ANKFN1: variants seen among roughly 807,000 people sequenced by gnomAD.
ANKFN1 encodes ankyrin repeat and fibronectin type III domain containing 1.
Under a neutral mutation model 108.7 loss-of-function variants are expected in ANKFN1, and 74 were observed. The ratio of observed to expected loss-of-function variants is 0.68; its 90% CI spans 0.56 to 0.83. The LOEUF (loss-of-function observed/expected upper bound fraction) is 0.83. Among genes scored for constraint, ANKFN1 ranks in the 40% least tolerant of loss-of-function variants. The probability of loss-of-function intolerance (pLI) is 0.00; values close to 1 mark genes in which losing one functional copy is unlikely to be tolerated. For synonymous variants in ANKFN1, 547 were observed against 516.2 expected (o/e 1.06, Z -0.81); for missense variants, 1,505 against 1,382.3 (o/e 1.09, Z -1.41).
rs376959352 is a variant in ANKFN1 at position 56,230,465 on chromosome 17, A to G, written c.53+2508A>G. Among the ~76,000 whole-genome samples, 5 of 152,276 alleles carry G rather than the reference A, an allele frequency of 3.3e-5. No individual in the cohort carries two copies. In the South Asian group the frequency reaches 1.0e-3, roughly 32 times the overall value. On this transcript the variant is annotated intron_variant, in intron 3 of 20. Transcript: ENST00000682825. ...CATCTGAAAATGCTTTGTATTACCA[A>G]TAATCTTATTAAATTATTGGAGACC...
intron 10 of ANKFN1, among the ~76,000 whole-genome samples, chr17:56,444,006 G>T (rs550292563): frequency 6.6e-6 from 1 of 152,040 alleles, no homozygotes; most frequent in African/African-American, 2.4e-5. Context: ...ATAATTCTAC[G>T]TCTAGGACTC....
At chr17:56,488,072 CAAAGA>C (rs1454650368) in intron 18 of ANKFN1, among the ~76,000 whole-genome samples, 1 of 152,010 alleles carries the variant, frequency 6.6e-6, no homozygotes, top group Non-Finnish European at 1.5e-5. Context: ...CAATAGGAAG[CAAAGA>C]AAAGATTTTA....
At chr17:56,228,310 G>T in intron 3 of ANKFN1, 1 of 219,704 alleles carries the variant, frequency 4.6e-6, no homozygotes, top group African/African-American at 2.4e-5. Context: ...TTTCCCAGTT[G>T]CTCCTCACCG....
In ANKFN1 at chr17:56,084,581, G is replaced by A. The variant is rs928935945; in HGVS notation, c.288+38256G>A. Among the ~76,000 whole-genome samples the A allele has an allele frequency of 5.9e-5, 9 of 151,262 alleles. 1 individual carries two copies. Among genetic ancestry groups the A allele is most frequent in the Non-Finnish European group, 1.2e-4 (8 of 67,760 alleles). ...GCTGTGCTCCAAAAGCTTTTCCACC[G>A]GGTAAGGGCCTGGTCCTTCCTGCGT... On this transcript the variant is annotated intron_variant, in intron 4 of 12. Coordinates refer to the ANKFN1 transcript ENST00000635860.
chr17:56,188,044 A>G (rs1912417863), intron 1 of ANKFN1, among the ~76,000 whole-genome samples: 1 of 152,224 alleles, frequency 6.6e-6, no homozygotes, highest in Non-Finnish European at 1.5e-5. Flanking sequence ...ACAAACCTGC[A>G]CGTTGTGCAC....
intron 1 of ANKFN1, among the ~76,000 whole-genome samples, chr17:56,203,081 C>A (rs961380507): frequency 2.6e-5 from 4 of 152,144 alleles, no homozygotes; most frequent in South Asian, 2.1e-4. Context: ...ATACGATGAA[C>A]ATGGACTTTG....
intron 4 of ANKFN1, among the ~76,000 whole-genome samples, chr17:56,062,378 A>T (rs960420521): frequency 6.6e-6 from 1 of 152,144 alleles, no homozygotes; most frequent in African/African-American, 2.4e-5. Flanking sequence ...GTCTCTTTGT[A>T]GGTCTCTAAA....
At chr17:56,248,947 C>A (rs548237941) in intron 3 of ANKFN1, among the ~76,000 whole-genome samples, 1 of 152,070 alleles carries the variant, frequency 6.6e-6, no homozygotes, top group Non-Finnish European at 1.5e-5. Flanking sequence ...AAACTTAATC[C>A]GGCTGGAGTG....
At chr17:56,375,456 A>G (rs752676185) in intron 8 of ANKFN1, among the ~76,000 whole-genome samples, 3 of 152,208 alleles carry the variant, frequency 2.0e-5, no homozygotes, top group Non-Finnish European at 4.4e-5. Context: ...GAATGAAACT[A>G]TGATCAACAG....
chr17:56,107,047 GGCAAAGT>G (rs1905764520), intron 4 of ANKFN1, among the ~76,000 whole-genome samples: 1 of 152,114 alleles, frequency 6.6e-6, no homozygotes, highest in African/African-American at 2.4e-5. Flanking sequence ...TAATCCAGGG[GGCAAAGT>G]GCTCCATTTC....
chr17:56,097,296 TG>T (rs1905554149), intron 4 of ANKFN1, among the ~76,000 whole-genome samples: 1 of 152,184 alleles, frequency 6.6e-6, no homozygotes, highest in Non-Finnish European at 1.5e-5. Flanking sequence ...GAAGATTGTA[TG>T]GCTAAGATAA....
At chr17:56,176,926 T>A (rs960852054) in intron 1 of ANKFN1, among the ~76,000 whole-genome samples, 7 of 152,180 alleles carry the variant, frequency 4.6e-5, no homozygotes, top group Admixed American at 2.6e-4. Context: ...TTTGTCCAGA[T>A]TGAAACACTT....
chr17:56,284,839 G>C (rs753575328), intron 3 of ANKFN1, among the ~76,000 whole-genome samples: 4 of 152,166 alleles, frequency 2.6e-5, no homozygotes, highest in Admixed American at 6.6e-5. Context: ...GCCCTAAAGA[G>C]AGGCTTCATT....
intron 3 of ANKFN1, among the ~76,000 whole-genome samples, chr17:56,280,822 A>G (rs1486221503): frequency 3.3e-5 from 5 of 152,196 alleles, no homozygotes; most frequent in Admixed American, 6.5e-5. Flanking sequence ...TGGTTTGGCT[A>G]TGTCCCCACC....
intron 4 of ANKFN1, among the ~76,000 whole-genome samples, chr17:56,084,984 A>G (rs1371983887): frequency 2.0e-5 from 3 of 150,680 alleles, no homozygotes; most frequent in African/African-American, 7.3e-5. Context: ...TCAAGATTTA[A>G]TATAATCTAG....
intron 4 of ANKFN1, among the ~76,000 whole-genome samples, chr17:56,066,969 C>T (rs991615016): frequency 2.0e-5 from 3 of 152,100 alleles, no homozygotes; most frequent in African/African-American, 4.8e-5. Context: ...GGCTGGCAGA[C>T]CACCTGAGGT....
chr17:56,069,847 T>G (rs1265071027), intron 4 of ANKFN1, among the ~76,000 whole-genome samples: 2 of 152,246 alleles, frequency 1.3e-5, no homozygotes, highest in African/African-American at 2.4e-5. Context: ...CCCCTAGGGC[T>G]GCTGGTTGGT....
intron 3 of ANKFN1, among the ~76,000 whole-genome samples, chr17:56,250,743 C>T (rs930877483): frequency 6.6e-6 from 1 of 152,218 alleles, no homozygotes; most frequent in African/African-American, 2.4e-5. Flanking sequence ...TATGTATGAC[C>T]ATTTTTTAAA....
intron 1 of ANKFN1, among the ~76,000 whole-genome samples, chr17:56,170,161 C>T (rs9911544): frequency 0.025 from 3,778 of 152,202 alleles, 142 homozygotes; most frequent in African/African-American, 0.085. Context: ...ATGACCTTGG[C>T]GTCAAAGAAA....
Sources: gnomAD v4.1 joint callset for allele counts (sites outside exome capture counted in the v4.1 genomes callset) on GRCh38, gnomAD v4.1.1 for gene constraint, MANE v1.5 for transcripts, NCBI Gene and HGNC (gene_info 2026-07-23, HGNC 2026-07-21) for gene names.